The following ERICH1 variants were observed in gnomAD, a reference collection of about 807,000 sequenced individuals.
The protein encoded by ERICH1 is glutamate-rich protein 1.
ERICH1 carries 56 observed loss-of-function variants against 39.6 expected under a neutral mutation model. That is an observed-to-expected ratio of 1.41 (90% confidence interval 1.14 to 1.77). The LOEUF is 1.77. Among genes scored for constraint, ERICH1 ranks in the 40% most tolerant of loss-of-function variants. The probability of loss-of-function intolerance (pLI) is 0.00; values close to 1 mark genes in which losing one functional copy is unlikely to be tolerated. For missense variants in ERICH1, 826 were observed against 575.4 expected (o/e 1.44, Z -4.45); for synonymous variants, 313 against 223.6 (o/e 1.40, Z -3.57).
At chr8:637,942 G>T (rs913102499) in intron 3 of ERICH1, among the ~76,000 whole-genome samples, 2 of 152,260 alleles carry the variant, frequency 1.3e-5, no homozygotes, top group African/African-American at 4.8e-5. Context: ...TTCTGCTGAG[G>T]ACTTTGATTC....
intron 2 of ERICH1, among the ~76,000 whole-genome samples, chr8:701,633 ACTGT>A (rs1484427560): frequency 7.2e-5 from 11 of 152,168 alleles, no homozygotes; most frequent in Admixed American, 2.0e-4. Context: ...AAGAGCAAAC[ACTGT>A]CTATGATACG....
intron 2 of ERICH1, among the ~76,000 whole-genome samples, chr8:711,946 C>T (rs764339789): frequency 1.4e-4 from 22 of 152,150 alleles, no homozygotes; most frequent in Non-Finnish European, 2.9e-4. Context: ...AAAGATAAGT[C>T]AGTGGTATTT....
At chr8:628,499 G>A (rs549714904) in intron 3 of ERICH1, among the ~76,000 whole-genome samples, 3 of 152,370 alleles carry the variant, frequency 2.0e-5, no homozygotes, top group African/African-American at 7.2e-5. Context: ...TCCCCAGGCA[G>A]CTGGCGACCT....
chr8:624,513 A>G (rs1275779780), intron 3 of ERICH1, among the ~76,000 whole-genome samples: 1 of 152,172 alleles, frequency 6.6e-6, no homozygotes, highest in Non-Finnish European at 1.5e-5. Context: ...GCTATAAAGA[A>G]CTACCTAAGA....
At chr8:667,364 C>G (rs980583696) in intron 5 of ERICH1, 2 of 153,614 alleles carry the variant, frequency 1.3e-5, no homozygotes, top group Non-Finnish European at 2.9e-5. Context: ...TTCCCAAACA[C>G]ATGGGTTCAC....
chr8:658,582 T>G (rs1320497004), intron 3 of ERICH1, among the ~76,000 whole-genome samples: 1 of 152,180 alleles, frequency 6.6e-6, no homozygotes, highest in East Asian at 1.9e-4. Context: ...CACGTCCATG[T>G]TGATCCTGGC....
chr8:694,232 A>T (rs973650478), intron 2 of ERICH1, among the ~76,000 whole-genome samples: 1 of 152,196 alleles, frequency 6.6e-6, no homozygotes, highest in Non-Finnish European at 1.5e-5. Flanking sequence ...CCTAGTTCTT[A>T]AACTAATCTG....
chr8:695,027 G>A (rs1809819801), intron 2 of ERICH1, among the ~76,000 whole-genome samples: 2 of 152,266 alleles, frequency 1.3e-5, no homozygotes, highest in South Asian at 2.1e-4. Flanking sequence ...GCAGAGGGGC[G>A]TGGTGGCTCG....
intron 3 of ERICH1, chr8:656,927 T>A (rs1354577625): frequency 1.2e-6 from 1 of 822,852 alleles, no homozygotes; most frequent in Non-Finnish European, 1.5e-6. Context: ...ACTCCTTATA[T>A]GTTAACCTAA....
rs1202147588 is a variant in ERICH1, at chr8:731,162, G to C, written c.-1C>G. On this transcript the variant is annotated 5_prime_UTR_variant, in exon 1 of 6. Coordinates refer to ENST00000262109, the MANE Select transcript of ERICH1 (RefSeq NM_207332.3). ...TACCGTGCTTCCTGTGCGCCGCCAT[G>C]CGGGACCCTGCCGCGGACCTCAGAC... 1 of 1,510,464 alleles carries C rather than the reference G, an allele frequency of 6.6e-7. No homozygotes were observed. Among genetic ancestry groups the C allele is most frequent in the Non-Finnish European group, 8.8e-7 (1 of 1,131,650 alleles). The allele number at this position is 1,510,464 out of a possible 1,614,324, so 93.6% of individuals were successfully genotyped here. A position where few individuals can be genotyped will look rare whatever the true frequency, so the allele number is the denominator to read the frequency against.
intron 1 of ERICH1, 74 bp from the exon 2 acceptor site, chr8:716,081 T>C: frequency 1.3e-6 from 2 of 1,504,228 alleles, no homozygotes; most frequent in Non-Finnish European, 8.9e-7. Flanking sequence ...CACACGTGAC[T>C]TTTACTCTAC....
chr8:627,384 C>A (rs559904945), intron 3 of ERICH1: 2 of 360,992 alleles, frequency 5.5e-6, no homozygotes, highest in Admixed American at 3.4e-5. Flanking sequence ...TCACTGAGAG[C>A]CTCGACTTCA....
chr8:652,372 AACCAAATGCAG>A (rs1800085565), intron 3 of ERICH1, among the ~76,000 whole-genome samples: 1 of 152,216 alleles, frequency 6.6e-6, no homozygotes, highest in Non-Finnish European at 1.5e-5. Flanking sequence ...ACAGGCTCGC[AACCAAATGCAG>A]AGCCCGACCG....
intron 5 of ERICH1, among the ~76,000 whole-genome samples, chr8:665,561 C>T (rs146016962): frequency 0.012 from 1,870 of 152,334 alleles, 54 homozygotes; most frequent in African/African-American, 0.043. Context: ...AAAGCCCCAA[C>T]AGTCAGGATG....
intron 3 of ERICH1, 51 bp downstream of exon 3, chr8:692,427 T>C (rs1470904001): frequency 6.2e-7 from 1 of 1,611,450 alleles, no homozygotes; most frequent in Admixed American, 1.7e-5. Flanking sequence ...AATTGGGAAA[T>C]ACGAGCTTAT....
At chr8:671,584 C>T (rs1803419296) in intron 4 of ERICH1, among the ~76,000 whole-genome samples, 1 of 145,110 alleles carries the variant, frequency 6.9e-6, no homozygotes, top group African/African-American at 2.6e-5. Flanking sequence ...TCCCCAGGCT[C>T]TGACCTCTGA....
intron 3 of ERICH1, chr8:616,426 C>T (rs904345246): frequency 7.1e-6 from 3 of 424,924 alleles, no homozygotes; most frequent in East Asian, 7.2e-5. Flanking sequence ...CCGAACCCCG[C>T]ACACCCCATG....
In ERICH1 at chr8:668,984, G is replaced by A. The variant is rs1444118248; in HGVS notation, c.1064-192C>T. 9 of 602,528 alleles carry A rather than the reference G, an allele frequency of 1.5e-5. No homozygotes were observed. In the East Asian group the frequency reaches 2.3e-4, roughly 15 times the overall value. The allele number at this position is 602,528 out of a possible 1,614,324, so 37.3% of individuals were successfully genotyped here. Reference sequence around the variant, plus strand: ...ACAAAATACCACTGCATGAACGACTGTGGAAACCTGGCCCGTCTACACCTC... The same window carrying A: ...ACAAAATACCACTGCATGAACGACTATGGAAACCTGGCCCGTCTACACCTC... On this transcript the variant is annotated intron_variant, in intron 4 of 5. Transcript: ENST00000262109.
chr8:715,288 G>A (rs1815638387), intron 2 of ERICH1, among the ~76,000 whole-genome samples: 1 of 152,238 alleles, frequency 6.6e-6, no homozygotes, highest in African/African-American at 2.4e-5. Context: ...CTGCACCCAG[G>A]TGGTCTCTTC....
Sources: allele counts gnomAD v4.1 joint callset (sites outside exome capture counted in the v4.1 genomes callset), GRCh38; gene constraint gnomAD v4.1.1; transcripts MANE v1.5; gene names NCBI Gene and HGNC (gene_info 2026-07-23, HGNC 2026-07-21).